The following MAST4 variants were observed in gnomAD, a reference collection of about 807,000 sequenced individuals.
MAST4 encodes the protein microtubule-associated serine/threonine-protein kinase 4.
MAST4 carries 89 observed loss-of-function variants against 162.7 expected under a neutral mutation model. The observed-to-expected ratio is 0.55, with a 90% CI of 0.46 to 0.65. The LOEUF (loss-of-function observed/expected upper bound fraction) is 0.65, where lower values mean the gene tolerates loss of function less well. Ranked by LOEUF, MAST4 falls within the 30% of genes least tolerant of loss-of-function variation. MAST4 has a pLI of 0.00. For synonymous variants in MAST4, 1,479 were observed against 1,361.1 expected (o/e 1.09, Z -1.91); for missense variants, 3,153 against 3,374.0 (o/e 0.93, Z 1.62).
At chr5:67,132,002 C>A in intron 16 of MAST4, 51 bp downstream of exon 16, 1 of 1,557,066 alleles carries the variant, frequency 6.4e-7, no homozygotes, top group South Asian at 1.2e-5. Flanking sequence ...ACAAAGTTCT[C>A]GTATGTTTAT....
At chr5:66,828,973 C>T (rs1285491376) in intron 3 of MAST4, 19 of 1,007,508 alleles carry the variant, frequency 1.9e-5, no homozygotes, top group Admixed American at 1.4e-4. Context: ...TTACTGGGCA[C>T]GAATATGTGC....
chr5:67,151,943 A>G (rs140665387), intron 24 of MAST4, among the ~76,000 whole-genome samples: 1 of 151,476 alleles, frequency 6.6e-6, no homozygotes, highest in African/African-American at 2.4e-5. Context: ...AATTTTTTGT[A>G]TTATTTGTAG....
intron 3 of MAST4, among the ~76,000 whole-genome samples, chr5:66,876,780 A>G (rs979966204): frequency 6.6e-6 from 1 of 152,178 alleles, no homozygotes; most frequent in African/African-American, 2.4e-5. Context: ...TTGTCATGAC[A>G]GAAAGTCAGA....
intron 4 of MAST4, among the ~76,000 whole-genome samples, chr5:67,036,503 T>G (rs577806426): frequency 2.2e-4 from 33 of 151,848 alleles, no homozygotes; most frequent in Non-Finnish European, 4.4e-4. Flanking sequence ...TCCCGAGGAG[T>G]TGGTTCCAGG....
chr5:67,047,776 G>A (rs1757557900), intron 4 of MAST4, among the ~76,000 whole-genome samples: 1 of 152,178 alleles, frequency 6.6e-6, no homozygotes, highest in Non-Finnish European at 1.5e-5. Flanking sequence ...ATCCCAGCGA[G>A]TTTCTTAACT....
chr5:67,152,222 T>TA, intron 24 of MAST4, among the ~76,000 whole-genome samples: 1 of 152,360 alleles, frequency 6.6e-6, no homozygotes, highest in South Asian at 2.1e-4. Context: ...ATATAATACA[T>TA]ACAGTCTTCT....
intron 1 of MAST4, among the ~76,000 whole-genome samples, chr5:66,660,287 T>C (rs1282400974): frequency 1.3e-5 from 2 of 151,924 alleles, no homozygotes; most frequent in Non-Finnish European, 2.9e-5. Context: ...ACTCAGGAGG[T>C]TGAGGCACGA....
At chr5:66,856,412 G>C (rs188917286) in intron 3 of MAST4, among the ~76,000 whole-genome samples, 2 of 152,312 alleles carry the variant, frequency 1.3e-5, no homozygotes, top group Admixed American at 1.3e-4. Context: ...TCAGAGACAT[G>C]GTTAGCTTTC....
At chr5:66,899,011 T>C (rs561509538) in intron 3 of MAST4, among the ~76,000 whole-genome samples, 5 of 152,158 alleles carry the variant, frequency 3.3e-5, no homozygotes, top group Non-Finnish European at 7.4e-5. Flanking sequence ...AGGATAGTGC[T>C]CAAGCACCTG....
chr5:67,135,861 T>C (rs1467357445), intron 18 of MAST4, among the ~76,000 whole-genome samples: 2 of 152,228 alleles, frequency 1.3e-5, no homozygotes, highest in African/African-American at 2.4e-5. Flanking sequence ...AAATAACTCA[T>C]GTTTTTATTG....
Position 66,967,684 on chromosome 5 carries a change from T to TAA in MAST4, c.674+67718_674+67719dup, listed in dbSNP as rs549249080. 2.5e-3 allele frequency among the ~76,000 whole-genome samples: 277 copies of TAA among 112,938 alleles called. 2 individuals are homozygous for TAA. Among genetic ancestry groups the TAA allele is most frequent in the African/African-American group, 8.4e-3 (258 of 30,804 alleles). 74.1% of individuals were successfully genotyped at this position (112,938 alleles called of 152,430 possible). ...TCCATCTTGAAAATCTCACACTCCT[T>TAA]AAAAAAAAAAAAAAAAAGAAAAACA... On this transcript the variant is annotated intron_variant, in intron 4 of 28. Coordinates refer to ENST00000403625, the MANE Select transcript of MAST4 (RefSeq NM_001164664.2).
chr5:66,997,940 A>G (rs1750853451), intron 4 of MAST4, among the ~76,000 whole-genome samples: 1 of 152,252 alleles, frequency 6.6e-6, no homozygotes, highest in Non-Finnish European at 1.5e-5. Context: ...GATCTTAGCA[A>G]TGGAAGGAAA....
chr5:66,872,754 C>A (rs531018422), intron 3 of MAST4, among the ~76,000 whole-genome samples: 3 of 152,154 alleles, frequency 2.0e-5, no homozygotes, highest in African/African-American at 2.4e-5. Context: ...TACGGCGGGG[C>A]CTTCTTGGAC....
intron 4 of MAST4, chr5:66,959,126 C>G: frequency 1.4e-6 from 1 of 710,410 alleles, no homozygotes; most frequent in East Asian, 2.6e-5. Context: ...CCTCCCCCTC[C>G]CCCTCGAGAG....
chr5:66,861,890 G>A (rs530326942), intron 3 of MAST4, among the ~76,000 whole-genome samples: 1 of 152,180 alleles, frequency 6.6e-6, no homozygotes, highest in Non-Finnish European at 1.5e-5. Context: ...TCTATTAGGT[G>A]TTCAGTGTTG....
intron 11 of MAST4, among the ~76,000 whole-genome samples, chr5:67,113,453 TTAAA>T (rs1201672779): frequency 6.6e-6 from 1 of 151,550 alleles, no homozygotes; most frequent in African/African-American, 2.4e-5. Context: ...ACACAAAAAA[TTAAA>T]TAGATAGGAA....
intron 18 of MAST4, 44 bp from the exon 19 acceptor site, chr5:67,136,519 C>G: frequency 6.9e-7 from 1 of 1,449,778 alleles, no homozygotes; most frequent in African/African-American, 1.4e-5. Context: ...GACCTGGACC[C>G]TCTTGTGAAC....
At chr5:67,149,363 G>A (rs1487701421) in intron 23 of MAST4, 26 bp from the exon 24 acceptor site, 1 of 1,597,906 alleles carries the variant, frequency 6.3e-7, no homozygotes, top group Non-Finnish European at 8.5e-7. Context: ...TTTCCTGAAT[G>A]TGTTTATCCC....
chr5:66,714,678 T>C (rs1358177952), intron 1 of MAST4, among the ~76,000 whole-genome samples: 1 of 152,270 alleles, frequency 6.6e-6, no homozygotes, highest in East Asian at 1.9e-4. Flanking sequence ...CTTTCTTCCA[T>C]AGCTTTTTCT....
Sources: gnomAD v4.1 joint callset for allele counts (sites outside exome capture counted in the v4.1 genomes callset) on GRCh38, gnomAD v4.1.1 for gene constraint, MANE v1.5 for transcripts, NCBI Gene and HGNC (gene_info 2026-07-23, HGNC 2026-07-21) for gene names.